The following ZFHX3 variants were observed in gnomAD, a reference collection of about 807,000 sequenced individuals.
ZFHX3 encodes zinc finger homeobox protein 3.
In ZFHX3, 42 loss-of-function variants were observed where a neutral mutation model predicts 279.1. The ratio of observed to expected loss-of-function variants is 0.15; its 90% CI spans 0.12 to 0.19. The LOEUF is 0.19. ZFHX3 is among the 10% of genes least tolerant of loss of function. The pLI, the probability that ZFHX3 is intolerant of heterozygous loss-of-function variation, is 1.00. For synonymous variants in ZFHX3, 2,293 were observed against 1,957.8 expected (o/e 1.17, Z -4.52); for missense variants, 4,981 against 4,754.0 (o/e 1.05, Z -1.40).
intron 5 of ZFHX3, among the ~76,000 whole-genome samples, chr16:73,239,566 A>G (rs2013055995): frequency 5.9e-5 from 9 of 152,174 alleles, no homozygotes; most frequent in Admixed American, 5.2e-4. Flanking sequence ...TCATTCCAAC[A>G]CAGGTGAAAG....
intron 4 of ZFHX3, among the ~76,000 whole-genome samples, chr16:72,842,024 C>A (rs1597298877): frequency 6.6e-6 from 1 of 152,078 alleles, no homozygotes; most frequent in Non-Finnish European, 1.5e-5. Context: ...AGAGTTGGTA[C>A]TTGACACAGA....
intron 2 of ZFHX3, among the ~76,000 whole-genome samples, chr16:73,511,684 T>C (rs1448336987): frequency 6.6e-6 from 1 of 152,078 alleles, no homozygotes; most frequent in Non-Finnish European, 1.5e-5. Flanking sequence ...ATTTCCAACA[T>C]GGCAGATAGA....
At chr16:73,286,484 G>T (rs2014599440) in intron 4 of ZFHX3, among the ~76,000 whole-genome samples, 1 of 152,148 alleles carries the variant, frequency 6.6e-6, no homozygotes, top group South Asian at 2.1e-4. Flanking sequence ...GTTGGTGTAC[G>T]GGAAGAGTGT....
rs757081177 is a variant in ZFHX3, at chr16:72,958,207, T to C, written c.1939A>G (p.Thr647Ala). 4.3e-6 allele frequency: 7 copies of C among 1,611,730 alleles called. No homozygotes were observed. Among genetic ancestry groups the C allele is most frequent in the Non-Finnish European group, 5.9e-6 (7 of 1,178,150 alleles). The change falls in exon 2 of 10, where the codon ACG becomes GCG. Residue 647 changes from threonine to alanine, a missense_variant. By Grantham distance (58) the Thr-to-Ala change is moderately conservative. Coordinates refer to ENST00000268489, the MANE Select transcript of ZFHX3 (RefSeq NM_006885.4). ...AGCGAGCGGGAGGAGCCCAGGACCG[T>C]GTCGCATTTGGGGCACTCCACGCCA... ...GSGVECPKCDTVLGSSRSLGG... is the reference protein window; with the variant it reads ...GSGVECPKCDAVLGSSRSLGG...
intron 4 of ZFHX3, among the ~76,000 whole-genome samples, chr16:72,876,784 C>T (rs2038326935): frequency 6.6e-6 from 1 of 152,038 alleles, no homozygotes; most frequent in Admixed American, 6.6e-5. Context: ...CGCCTGTGGC[C>T]AGATTTTTAA....
intron 1 of ZFHX3, among the ~76,000 whole-genome samples, chr16:73,858,716 G>A (rs956537702): frequency 6.6e-6 from 1 of 152,176 alleles, no homozygotes; most frequent in African/African-American, 2.4e-5. Flanking sequence ...AAGATGTCCA[G>A]GGAGCTTCAG....
intron 2 of ZFHX3, among the ~76,000 whole-genome samples, chr16:73,678,545 T>C (rs2052977453): frequency 6.6e-6 from 1 of 152,168 alleles, no homozygotes; most frequent in Non-Finnish European, 1.5e-5. Context: ...AGGTCAAGTC[T>C]TCTAAAATCT....
chr16:73,244,858 C>T (rs970123278), intron 5 of ZFHX3, among the ~76,000 whole-genome samples: 2 of 152,188 alleles, frequency 1.3e-5, no homozygotes, highest in Admixed American at 6.5e-5. Context: ...TAGAAACCAG[C>T]AGGGGTTGAG....
intron 5 of ZFHX3, chr16:73,144,558 A>G (rs12444301): frequency 0.2 from 30,255 of 152,236 alleles, 3,855 homozygotes; most frequent in Middle Eastern, 0.33. Context: ...CCTAACAGGA[A>G]AAGTGGGGAA....
chr16:73,774,736 G>A (rs2054058043), intron 1 of ZFHX3, among the ~76,000 whole-genome samples: 1 of 152,194 alleles, frequency 6.6e-6, no homozygotes, highest in African/African-American at 2.4e-5. Context: ...TTATCAGTCA[G>A]ACAACGGTGG....
At chr16:72,935,514 G>A (rs1960068849) in intron 3 of ZFHX3, among the ~76,000 whole-genome samples, 1 of 152,164 alleles carries the variant, frequency 6.6e-6, no homozygotes. Context: ...GCAGAGGCAG[G>A]CGGATCGCCC....
At chr16:73,423,887 G>T (rs1203178433) in intron 3 of ZFHX3, among the ~76,000 whole-genome samples, 1 of 149,982 alleles carries the variant, frequency 6.7e-6, no homozygotes, top group Non-Finnish European at 1.5e-5. Flanking sequence ...AAGTGAGAGA[G>T]ATCTAGAAAT....
chr16:73,242,705 T>C (rs1025306969), intron 5 of ZFHX3, among the ~76,000 whole-genome samples: 8 of 152,194 alleles, frequency 5.3e-5, no homozygotes, highest in African/African-American at 1.9e-4. Flanking sequence ...TTATAACTGA[T>C]CATGCAATAA....
chr16:73,119,399 AC>A (rs200218512), intron 7 of ZFHX3, among the ~76,000 whole-genome samples: 29 of 152,102 alleles, frequency 1.9e-4, no homozygotes, highest in Non-Finnish European at 2.1e-4. Context: ...GAGTCACCAC[AC>A]TCAGCCCGGA....
chr16:73,581,734 G>C (rs373099738), intron 2 of ZFHX3, among the ~76,000 whole-genome samples: 1 of 128,096 alleles, frequency 7.8e-6, no homozygotes, highest in South Asian at 2.5e-4. Context: ...GCAGTGGCAC[G>C]ATCTCAGTTC....
At chr16:73,751,628 G>T (rs2053763252) in intron 1 of ZFHX3, among the ~76,000 whole-genome samples, 1 of 152,066 alleles carries the variant, frequency 6.6e-6, no homozygotes, top group South Asian at 2.1e-4. Flanking sequence ...AAAATAAAAT[G>T]ATTTTATTAA....
Position 73,707,154 on chromosome 16 carries a change from C to T in ZFHX3, c.-1607-26914G>A, listed in dbSNP as rs556795458. On this transcript the variant is annotated intron_variant, in intron 1 of 17. Transcript: ENST00000641206. Reference sequence around the variant, plus strand: ...AAGTCATCAGCCAATTTTTACAAGTCCCTTTCTGGCTAACTTCCTCAGTAT... The same window carrying T: ...AAGTCATCAGCCAATTTTTACAAGTTCCTTTCTGGCTAACTTCCTCAGTAT... 1.4e-4 allele frequency among the ~76,000 whole-genome samples: 22 copies of T among 152,244 alleles called. No homozygotes were observed. In the South Asian group the frequency reaches 4.1e-3, roughly 29 times the overall value.
rs1370647681 is a variant in ZFHX3, at chr16:73,642,033, A to G, written c.-1547+38147T>C. 3.3e-5 allele frequency among the ~76,000 whole-genome samples: 5 copies of G among 151,870 alleles called. 1 individual carries two copies. Among genetic ancestry groups the G allele is most frequent in the Non-Finnish European group, 7.4e-5 (5 of 68,002 alleles). ...ATACTGAATTCAGGCAGTGTGAGGG[A>G]CGCTTCCACCAAATTTGTTTCTCTT... On this transcript the variant is annotated intron_variant, in intron 2 of 17. Coordinates refer to the ZFHX3 transcript ENST00000641206.
At position 73,025,729 on chromosome 16, in the gene ZFHX3, C is replaced by A. The variant is rs965703265; in HGVS notation, c.-50+22023G>T. ...TCAGGGCCCAACCGAAAAAGATAAACAGTCAGAGACCTACAGGAAAAGGCC... is the reference window on the plus strand; with the variant it reads ...TCAGGGCCCAACCGAAAAAGATAAAAAGTCAGAGACCTACAGGAAAAGGCC... On this transcript the variant is annotated intron_variant, in intron 1 of 9. Transcript: ENST00000268489. 2.6e-5 allele frequency among the ~76,000 whole-genome samples: 4 copies of A among 152,236 alleles called. No homozygotes were observed. The South Asian group carries it at 8.3e-4, about 32-fold the overall frequency.
Sources: gnomAD v4.1 joint callset for allele counts (sites outside exome capture counted in the v4.1 genomes callset) on GRCh38, gnomAD v4.1.1 for gene constraint, MANE v1.5 for transcripts, NCBI Gene and HGNC (gene_info 2026-07-23, HGNC 2026-07-21) for gene names.